The following TMTC3 variants were observed in gnomAD, a reference collection of about 807,000 sequenced individuals.
TMTC3 encodes transmembrane O-mannosyltransferase targeting cadherins 3.
TMTC3 carries 52 observed loss-of-function variants against 92.2 expected under a neutral mutation model. That is an observed-to-expected ratio of 0.56 (90% CI 0.45 to 0.71). The LOEUF is 0.71. TMTC3 is among the 30% of genes least tolerant of loss of function. The probability of loss-of-function intolerance (pLI) is 0.00; values close to 1 mark genes in which losing one functional copy is unlikely to be tolerated. For synonymous variants in TMTC3, 339 were observed against 363.3 expected (o/e 0.93, Z 0.76); for missense variants, 896 against 1,057.1 (o/e 0.85, Z 2.11).
chr12:88,178,109 T>C (rs771964945), intron 10 of TMTC3, among the ~76,000 whole-genome samples: 17 of 152,256 alleles, frequency 1.1e-4, no homozygotes, highest in Non-Finnish European at 2.5e-4. Flanking sequence ...AGGAAGAAGA[T>C]ACCTGTTCTT....
intron 13 of TMTC3, among the ~76,000 whole-genome samples, chr12:88,193,669 C>T (rs935077342): frequency 3.3e-5 from 5 of 152,118 alleles, no homozygotes; most frequent in Non-Finnish European, 7.4e-5. Flanking sequence ...AAGACAAGAA[C>T]TGAAGCCTCC....
rs1198448497 is a variant in TMTC3 at position 88,194,733 on chromosome 12, G to A, written c.1934-105G>A. On this transcript the variant is annotated intron_variant, in intron 13 of 13. Coordinates refer to ENST00000266712, the MANE Select transcript of TMTC3 (RefSeq NM_181783.4). ...CTTTTTTTAACTATGGAAATTAGTT[G>A]TTTTGAAGCTGTCTTTTTGTAATCT... 5 of 796,108 alleles carry A rather than the reference G, an allele frequency of 6.3e-6. No homozygotes were observed. The East Asian group carries it at 9.3e-5, about 15-fold the overall frequency. The allele number at this position is 796,108 out of a possible 1,614,324, so 49.3% of individuals were successfully genotyped here.
Position 88,185,812 on chromosome 12 carries a change from AT to A in TMTC3, c.1433-3023del, listed in dbSNP as rs1280704531. On this transcript the variant is annotated intron_variant, in intron 10 of 13. Coordinates refer to ENST00000266712, the MANE Select transcript of TMTC3 (RefSeq NM_181783.4). Reference sequence around the variant, plus strand: ...CATTTGAGATGATGATAAGGTTTTTATTTTTTTTGTCTGTTAATACAGTGGA... The same window carrying A: ...CATTTGAGATGATGATAAGGTTTTTATTTTTTTGTCTGTTAATACAGTGGA... Among the ~76,000 whole-genome samples the A allele has an allele frequency of 8.6e-5, 13 of 151,634 alleles. No individual in the cohort carries two copies. In the South Asian group the frequency reaches 1.9e-3, roughly 22 times the overall value.
At position 88,174,575 on chromosome 12, in the gene TMTC3, T is replaced by C. The variant is rs771663589; in HGVS notation, c.1200-32T>C. ...AAATGCTTTTGGTGATGAAGACAAT[T>C]TTTTTTGTTTTGCTTTTTTTCTCTT... On this transcript the variant is annotated intron_variant, in intron 8 of 13. Coordinates refer to ENST00000266712, the MANE Select transcript of TMTC3 (RefSeq NM_181783.4). 1.9e-6 allele frequency: 3 copies of C among 1,588,062 alleles called. No homozygotes were observed. In the Admixed American group the frequency reaches 5.6e-5, roughly 30 times the overall value.
intron 1 of TMTC3, among the ~76,000 whole-genome samples, chr12:88,143,106 C>T (rs1262407368): frequency 6.6e-6 from 1 of 151,824 alleles, no homozygotes; most frequent in African/African-American, 2.4e-5. Context: ...TCCTAAGAAG[C>T]TGTAGACTTA....
At chr12:88,189,950 A>T (rs941962921) in intron 11 of TMTC3, among the ~76,000 whole-genome samples, 6 of 151,884 alleles carry the variant, frequency 4.0e-5, no homozygotes, top group Non-Finnish European at 5.9e-5. Context: ...GTTCAACTTT[A>T]AAAAAAATTA....
At chr12:88,167,462 T>C (rs2041157677) in intron 7 of TMTC3, among the ~76,000 whole-genome samples, 1 of 152,126 alleles carries the variant, frequency 6.6e-6, no homozygotes, top group South Asian at 2.1e-4. Flanking sequence ...TTCTCAGGCA[T>C]TTATTATATG....
intron 7 of TMTC3, among the ~76,000 whole-genome samples, chr12:88,168,360 C>G (rs75447667): frequency 8.7e-6 from 1 of 114,642 alleles, no homozygotes. Context: ...TTGACTGTTT[C>G]AAAGGATGGG....
At chr12:88,190,419 A>G in intron 11 of TMTC3, 34 bp from the exon 12 acceptor site, 1 of 1,599,260 alleles carries the variant, frequency 6.3e-7, no homozygotes. Flanking sequence ...ATACTGAAAT[A>G]TCAAATCATG....
chr12:88,194,880 GTTATATAAA>G lies in TMTC3; in HGVS notation c.1978_1986del (p.Tyr660_Asn662del). On this transcript the variant is annotated inframe_deletion, in exon 14 of 14. Coordinates refer to ENST00000266712, the MANE Select transcript of TMTC3 (RefSeq NM_181783.4). The stretch of plus-strand genomic sequence containing the variant: ...CCTGAAGCTAGAAAACGACTTCTAA[GTTATATAAA>G]TGAAGAGCCACTAGATGCTAATGGG... 1 of 1,611,112 alleles carries G rather than the reference GTTATATAAA, an allele frequency of 6.2e-7. No homozygotes were observed. The highest frequency in any genetic ancestry group is 8.5e-7 in the Non-Finnish European group (1 of 1,179,100).
intron 1 of TMTC3, among the ~76,000 whole-genome samples, chr12:88,145,363 T>C (rs2040860311): frequency 6.6e-6 from 1 of 152,230 alleles, no homozygotes; most frequent in African/African-American, 2.4e-5. Context: ...TCCATGAAAT[T>C]AAGGCAAAAC....
intron 10 of TMTC3, among the ~76,000 whole-genome samples, chr12:88,184,361 C>T (rs576844357): frequency 6.6e-6 from 1 of 152,264 alleles, no homozygotes; most frequent in Non-Finnish European, 1.5e-5. Flanking sequence ...AGATAAATTC[C>T]TTTACATTCC....
At chr12:88,188,087 A>T (rs905909545) in intron 10 of TMTC3, among the ~76,000 whole-genome samples, 12 of 152,318 alleles carry the variant, frequency 7.9e-5, no homozygotes, top group African/African-American at 2.4e-4. Flanking sequence ...CTTTTAAAAA[A>T]ATCTAAAATT....
At position 88,166,326 on chromosome 12, in the gene TMTC3, A is replaced by G. The variant is rs1476941836; in HGVS notation, c.798-4A>G. Reference sequence around the variant, plus strand: ...TGTAATCTTTTTTTTAATCCTTTATACAGGTTTGATAACCCAGCTGCTGTA... The same window carrying G: ...TGTAATCTTTTTTTTAATCCTTTATGCAGGTTTGATAACCCAGCTGCTGTA... On this transcript the variant is annotated splice_polypyrimidine_tract_variant and splice_region_variant and intron_variant, in intron 6 of 13. Transcript: ENST00000266712. 6.2e-7 allele frequency: 1 copy of G among 1,612,232 alleles called. No individual in the cohort carries two copies. The highest frequency in any genetic ancestry group is 8.5e-7 in the Non-Finnish European group (1 of 1,179,318).
chr12:88,183,480 A>G (rs929012666), intron 10 of TMTC3, among the ~76,000 whole-genome samples: 5 of 151,964 alleles, frequency 3.3e-5, no homozygotes, highest in African/African-American at 1.2e-4. Context: ...CTTTCTTCCA[A>G]TTTATTGGAG....
rs979463266 is a variant in TMTC3, at chr12:88,166,554, C to G, written c.1022C>G (p.Ser341Cys). The G allele has an allele frequency of 1.2e-5, 20 of 1,613,604 alleles. No individual in the cohort carries two copies. The African/African-American group carries it at 2.5e-4, about 20-fold the overall frequency. ...TTGGGAGTATTCAGTATCAGATACTCTGGTGATTCCTCCAAGACTGTTTTA... is the reference window on the plus strand; with the variant it reads ...TTGGGAGTATTCAGTATCAGATACTGTGGTGATTCCTCCAAGACTGTTTTA... ...GMLGVFSIRY[S>C]GDSSKTVLMA... is the part of the protein sequence containing the mutation. The change falls in exon 7 of 14, where the codon TCT becomes TGT. Residue 341 changes from serine to cysteine, a missense_variant. Transcript: ENST00000266712.
In TMTC3 at chr12:88,199,123, T is replaced by C. The variant is rs899391706; in HGVS notation, c.*3474T>C. Reference sequence around the variant, plus strand: ...AGCTGACGTAATTTATTAGCAGTGATCTGAGAAAGACATTAAATAAGTTTC... The same window carrying C: ...AGCTGACGTAATTTATTAGCAGTGACCTGAGAAAGACATTAAATAAGTTTC... On this transcript the variant is annotated 3_prime_UTR_variant, in exon 14 of 14. Transcript: ENST00000266712. The C allele has an allele frequency of 1.3e-5, 2 of 152,042 alleles. No homozygotes were observed. The highest frequency in any genetic ancestry group is 2.4e-5 in the African/African-American group (1 of 41,438). The allele number at this position is 152,042 out of a possible 1,614,324, so 9.4% of individuals were successfully genotyped here.
At chr12:88,154,501 T>C (rs1220339604) in intron 4 of TMTC3, 114 bp downstream of exon 4, 2 of 578,338 alleles carry the variant, frequency 3.5e-6, no homozygotes, top group African/African-American at 3.9e-5. Flanking sequence ...GGATTTATCT[T>C]TATGTATTGT....
At chr12:88,172,967 C>T in intron 8 of TMTC3, 1 of 1,438,324 alleles carries the variant, frequency 7.0e-7, no homozygotes, top group African/African-American at 1.4e-5. Context: ...ATTTTACAGC[C>T]TGAGACAGAA....
Sources: allele counts gnomAD v4.1 joint callset (sites outside exome capture counted in the v4.1 genomes callset), GRCh38; gene constraint gnomAD v4.1.1; transcripts MANE v1.5; gene names NCBI Gene and HGNC (gene_info 2026-07-23, HGNC 2026-07-21).